Variants in CMBL observed in about 807,000 individuals in gnomAD.
CMBL encodes the protein carboxymethylenebutenolidase homolog, also known as carboxymethylenebutenolidase homolog (Pseudomonas).
In CMBL, 17 loss-of-function variants were observed where a neutral mutation model predicts 28.7. The observed-to-expected ratio is 0.59, with a 90% CI of 0.41 to 0.89. The LOEUF (loss-of-function observed/expected upper bound fraction) is 0.89. CMBL is among the 40% of genes least tolerant of loss of function. The pLI is 0.00. For synonymous variants in CMBL, 106 were observed against 101.6 expected (o/e 1.04, Z -0.26); for missense variants, 310 against 298.5 (o/e 1.04, Z -0.28).
chr5:10,292,636 A>C (rs1230795073), intron 1 of CMBL, among the ~76,000 whole-genome samples: 1 of 152,112 alleles, frequency 6.6e-6, no homozygotes, highest in African/African-American at 2.4e-5. Context: ...CAGCCTGGCC[A>C]ATATGGTGAA....
chr5:10,306,516 C>T (rs939699703), intron 1 of CMBL, among the ~76,000 whole-genome samples: 2 of 152,066 alleles, frequency 1.3e-5, no homozygotes, highest in Admixed American at 6.6e-5. Flanking sequence ...ATAGAAACCA[C>T]GTGGAAGTGC....
intron 2 of CMBL, among the ~76,000 whole-genome samples, chr5:10,290,124 A>G (rs1019007977): frequency 1.3e-5 from 2 of 152,222 alleles, no homozygotes; most frequent in Non-Finnish European, 2.9e-5. Context: ...CCGTACGTGT[A>G]TGGACCAGGA....
intron 3 of CMBL, 48 bp downstream of exon 3, chr5:10,288,374 C>T: frequency 1.4e-6 from 2 of 1,408,132 alleles, no homozygotes; most frequent in African/African-American, 1.4e-5. Flanking sequence ...CCAGCTCTCA[C>T]CTCCCTGGGC....
chr5:10,279,830 G>A lies in CMBL; in HGVS notation c.*623C>T, dbSNP rs10076725. On this transcript the variant is annotated 3_prime_UTR_variant, in exon 6 of 6. Transcript: ENST00000296658. ...GCTGGGATTACAGGCGTGAGCCACC[G>A]CACCCGGCCTGTAGGTTTTAACTAA... is the stretch of plus-strand genomic sequence containing the variant. The A allele has an allele frequency of 0.56, 85,318 of 151,186 alleles. 26,237 individuals carry two copies. The highest frequency in any genetic ancestry group is 0.7 in the Non-Finnish European group (47,824 of 67,874). 9.4% of individuals were successfully genotyped at this position (151,186 alleles called of 1,614,324 possible).
At position 10,280,176 on chromosome 5, in the gene CMBL, T is replaced by C. The variant is rs1746473594; in HGVS notation, c.*277A>G. The C allele has an allele frequency of 4.1e-6, 1 of 242,044 alleles. No homozygotes were observed. The highest frequency in any genetic ancestry group is 2.2e-5 in the African/African-American group (1 of 44,686). The allele number at this position is 242,044 out of a possible 1,614,324, so 15.0% of individuals were successfully genotyped here. A position where few individuals can be genotyped will look rare whatever the true frequency, so the allele number is the denominator to read the frequency against. ...CTGGTCTCAAACTCCTGACCTCAGGTGATCCACCCACTTTGGCCTCCCAAA... is the reference window on the plus strand; with the variant it reads ...CTGGTCTCAAACTCCTGACCTCAGGCGATCCACCCACTTTGGCCTCCCAAA... On this transcript the variant is annotated 3_prime_UTR_variant, in exon 6 of 6. Coordinates refer to ENST00000296658, the MANE Select transcript of CMBL (RefSeq NM_138809.4).
chr5:10,291,523 T>C (rs1157308684), intron 1 of CMBL, among the ~76,000 whole-genome samples: 1 of 151,144 alleles, frequency 6.6e-6, no homozygotes, highest in Non-Finnish European at 1.5e-5. Flanking sequence ...TAGCCGGGCG[T>C]GGTGGTGGGC....
At position 10,277,632 on chromosome 5, in the gene CMBL, A is replaced by T. The variant is rs1253680311; in HGVS notation, c.*2821T>A. On this transcript the variant is annotated 3_prime_UTR_variant, in exon 6 of 6. Coordinates refer to ENST00000296658, the MANE Select transcript of CMBL (RefSeq NM_138809.4). ...TTTTAATGGGGCTATAAGAAAATTT[A>T]AAATTACATACATGGGGAAAAAAGC... Among the ~76,000 whole-genome samples the T allele has an allele frequency of 6.6e-6, 1 of 152,208 alleles. No homozygotes were observed. Among genetic ancestry groups the T allele is most frequent in the Non-Finnish European group, 1.5e-5 (1 of 68,028 alleles).
rs1746455558 is a variant in CMBL, at chr5:10,279,400, A to G, written c.*1053T>C. On this transcript the variant is annotated 3_prime_UTR_variant, in exon 6 of 6. Coordinates refer to ENST00000296658, the MANE Select transcript of CMBL (RefSeq NM_138809.4). ...CAAATTCAGCTGTTTTGTGGCATAG[A>G]TAAGTGTCTAAGCTGGGCAGTTAGT... 1 of 152,226 alleles carries G rather than the reference A, an allele frequency of 6.6e-6. No individual in the cohort carries two copies. Among genetic ancestry groups the G allele is most frequent in the South Asian group, 2.1e-4 (1 of 4,828 alleles). 9.4% of individuals were successfully genotyped at this position (152,226 alleles called of 1,614,324 possible).
In CMBL at chr5:10,288,426, C is replaced by T. The variant is rs758158751; in HGVS notation, c.319G>A (p.Asp107Asn). 14 of 1,612,396 alleles carry T rather than the reference C, an allele frequency of 8.7e-6. No homozygotes were observed. Among genetic ancestry groups the T allele is most frequent in the Middle Eastern group, 1.6e-4 (1 of 6,078 alleles). Residue 107 changes from aspartate (D) to asparagine (N), a missense_variant, in exon 3 of 6, where the codon GAT becomes AAT. Asp to Asn is a conservative substitution (Grantham distance 23, BLOSUM62 1). Transcript: ENST00000296658. Reference sequence around the variant, plus strand: ...CCACGTCTGCGGATAACTCACCTATCGATCTTCTGGGCATTTCTTGTTTTC... The same window carrying T: ...CCACGTCTGCGGATAACTCACCTATTGATCTTCTGGGCATTTCTTGTTTTC... The part of the protein sequence containing the change: ...WLKTRNAQKI[D>N]REISAILKYL...
rs1441031112 is a variant in CMBL at position 10,280,676 on chromosome 5, T to TTTCCATTC, written c.559-52_559-45dup. On this transcript the variant is annotated intron_variant, in intron 5 of 5. Transcript: ENST00000296658. ...CATGATTTTAACCCTTTAGTGATACTTTCCATTCTCCAAATCTTTAGTGAG... is the reference window on the plus strand; with the variant it reads ...CATGATTTTAACCCTTTAGTGATACTTTCCATTCTTCCATTCTCCAAATCTTTAGTGAG... The TTTCCATTC allele has an allele frequency of 5.3e-6, 8 of 1,507,800 alleles. No homozygotes were observed. The South Asian group carries it at 9.8e-5, about 18-fold the overall frequency. 93.4% of individuals were successfully genotyped at this position (1,507,800 alleles called of 1,614,324 possible).
At chr5:10,288,757 A>G (rs1297702347) in intron 2 of CMBL, among the ~76,000 whole-genome samples, 3 of 152,216 alleles carry the variant, frequency 2.0e-5, no homozygotes, top group Non-Finnish European at 4.4e-5. Context: ...CCTGCTGGTA[A>G]CCCAGCCCTG....
chr5:10,286,341 A>G lies in CMBL; in HGVS notation c.466+13T>C. On this transcript the variant is annotated intron_variant, in intron 4 of 5. Coordinates refer to ENST00000296658, the MANE Select transcript of CMBL (RefSeq NM_138809.4). ...CCTTCTGCATGGAGTAAAAATGCAC[A>G]AGGCAGATTTACCATAGACGGACAC... is the stretch of plus-strand genomic sequence containing the variant. The G allele has an allele frequency of 1.2e-6, 2 of 1,611,934 alleles. No individual in the cohort carries two copies. The highest frequency in any genetic ancestry group is 1.7e-6 in the Non-Finnish European group (2 of 1,178,838).
intron 1 of CMBL, among the ~76,000 whole-genome samples, chr5:10,300,480 C>T (rs1746880371): frequency 6.6e-6 from 1 of 152,130 alleles, no homozygotes; most frequent in Admixed American, 6.6e-5. Context: ...GTTCGATGAA[C>T]AGGCTGCACC....
chr5:10,305,015 G>C (rs1317483325), intron 1 of CMBL, among the ~76,000 whole-genome samples: 1 of 152,150 alleles, frequency 6.6e-6, no homozygotes, highest in African/African-American at 2.4e-5. Flanking sequence ...TTTTCCTCCT[G>C]TGCTGGGGCA....
chr5:10,286,834 C>A (rs904857104), intron 3 of CMBL, among the ~76,000 whole-genome samples: 3 of 152,322 alleles, frequency 2.0e-5, no homozygotes. Flanking sequence ...TCGTAAGACC[C>A]GAGTCCATGA....
chr5:10,299,819 G>A (rs1253875341), intron 1 of CMBL, among the ~76,000 whole-genome samples: 3 of 152,016 alleles, frequency 2.0e-5, no homozygotes, highest in Non-Finnish European at 4.4e-5. Context: ...TTGGTGTTAA[G>A]AGTGAGACCC....
Position 10,278,278 on chromosome 5 carries a change from T to G in CMBL, c.*2175A>C, listed in dbSNP as rs915512636. On this transcript the variant is annotated 3_prime_UTR_variant, in exon 6 of 6. Transcript: ENST00000296658. ...GGATTAGTAACACAGTTTCCAGTTATACAACTTCTCACTGTTCCCCAAGGT... is the reference window on the plus strand; with the variant it reads ...GGATTAGTAACACAGTTTCCAGTTAGACAACTTCTCACTGTTCCCCAAGGT... 9.2e-5 allele frequency among the ~76,000 whole-genome samples: 14 copies of G among 152,168 alleles called. No individual in the cohort carries two copies. The highest frequency in any genetic ancestry group is 3.1e-4 in the African/African-American group (13 of 41,416).
chr5:10,280,309 T>C lies in CMBL; in HGVS notation c.*144A>G. ...AATTATTTCATGCATTACGTCCTAC[T>C]GAATTTGTGTTTCAAATGAAATAAT... On this transcript the variant is annotated 3_prime_UTR_variant, in exon 6 of 6. Transcript: ENST00000296658. 1 of 599,610 alleles carries C rather than the reference T, an allele frequency of 1.7e-6. No homozygotes were observed. Among genetic ancestry groups the C allele is most frequent in the Non-Finnish European group, 2.8e-6 (1 of 357,686 alleles). The allele number at this position is 599,610 out of a possible 1,614,324, so 37.1% of individuals were successfully genotyped here. A position where few individuals can be genotyped will look rare whatever the true frequency, so the allele number is the denominator to read the frequency against.
intron 1 of CMBL, among the ~76,000 whole-genome samples, chr5:10,303,819 C>G (rs192387086): frequency 3.9e-5 from 6 of 152,282 alleles, no homozygotes; most frequent in African/African-American, 1.4e-4. Context: ...TCAAACAACC[C>G]CACACTGATA....
Sources: gnomAD v4.1 joint callset for allele counts (sites outside exome capture counted in the v4.1 genomes callset) on GRCh38, gnomAD v4.1.1 for gene constraint, MANE v1.5 for transcripts, NCBI Gene and HGNC (gene_info 2026-07-23, HGNC 2026-07-21) for gene names.